Variants in PIGL observed in about 807,000 individuals in gnomAD.
PIGL encodes N-acetylglucosaminyl-phosphatidylinositol de-N-acetylase.
A neutral mutation model predicts 31.1 loss-of-function variants in PIGL; 22 were observed. That is an observed-to-expected ratio of 0.71 (90% CI 0.51 to 1.01). PIGL has a LOEUF of 1.01. PIGL is among the 50% of genes least tolerant of loss of function. The probability of loss-of-function intolerance (pLI) is 0.00; values close to 1 mark genes in which losing one functional copy is unlikely to be tolerated. For synonymous variants in PIGL, 131 were observed against 117.4 expected (o/e 1.12, Z -0.75); for missense variants, 302 against 315.9 (o/e 0.96, Z 0.33).
intron 3 of PIGL, among the ~76,000 whole-genome samples, chr17:16,303,310 G>A (rs778949387): frequency 2.0e-5 from 3 of 152,206 alleles, no homozygotes; most frequent in Non-Finnish European, 2.9e-5. Context: ...CCAAGGCTGT[G>A]CCTGGTATCT....
intron 2 of PIGL, among the ~76,000 whole-genome samples, chr17:16,248,988 G>C (rs1167620810): frequency 6.6e-6 from 1 of 152,136 alleles, no homozygotes; most frequent in Non-Finnish European, 1.5e-5. Context: ...GAGGGAGACA[G>C]ATCTCTTCCT....
intron 2 of PIGL, among the ~76,000 whole-genome samples, chr17:16,251,729 A>G (rs2092772813): frequency 6.6e-6 from 1 of 151,678 alleles, no homozygotes; most frequent in Non-Finnish European, 1.5e-5. Context: ...CCTATTCAGT[A>G]CCTAGAATGA....
At chr17:16,256,177 T>C (rs2092792899) in intron 2 of PIGL, among the ~76,000 whole-genome samples, 1 of 152,204 alleles carries the variant, frequency 6.6e-6, no homozygotes, top group South Asian at 2.1e-4. Flanking sequence ...TGCAGCACTA[T>C]TTATAATAGC....
chr17:16,284,856 G>A (rs2092930792), intron 2 of PIGL, among the ~76,000 whole-genome samples: 1 of 152,154 alleles, frequency 6.6e-6, no homozygotes, highest in Non-Finnish European at 1.5e-5. Context: ...ATTAATTACA[G>A]CCGGCTCTGC....
At chr17:16,294,931 G>A (rs1458231368) in intron 2 of PIGL, among the ~76,000 whole-genome samples, 1 of 152,152 alleles carries the variant, frequency 6.6e-6, no homozygotes, top group African/African-American at 2.4e-5. Flanking sequence ...CCCTTCTGCT[G>A]TGGCCAGTCT....
chr17:16,303,360 T>C (rs1163242426), intron 3 of PIGL, among the ~76,000 whole-genome samples: 1 of 152,154 alleles, frequency 6.6e-6, no homozygotes, highest in East Asian at 1.9e-4. Context: ...TGGACAGTGC[T>C]CCTTACCAAA....
At chr17:16,298,374 G>C (rs1024050525) in intron 2 of PIGL, among the ~76,000 whole-genome samples, 2 of 152,094 alleles carry the variant, frequency 1.3e-5, no homozygotes, top group African/African-American at 4.8e-5. Context: ...CTGACCCAAA[G>C]AGAGATAGGT....
chr17:16,314,220 C>G (rs531934648), intron 4 of PIGL, among the ~76,000 whole-genome samples: 1 of 152,216 alleles, frequency 6.6e-6, no homozygotes, highest in South Asian at 2.1e-4. Context: ...GTTTCCTGTC[C>G]CCTAGCAAAG....
intron 2 of PIGL, among the ~76,000 whole-genome samples, chr17:16,264,799 A>G (rs2092835341): frequency 6.7e-6 from 1 of 150,108 alleles, no homozygotes; most frequent in African/African-American, 2.5e-5. Flanking sequence ...GGTGCCCACC[A>G]CCACGTCTGG....
intron 2 of PIGL, among the ~76,000 whole-genome samples, chr17:16,249,704 G>A (rs555529847): frequency 1.1e-4 from 17 of 152,166 alleles, no homozygotes; most frequent in Non-Finnish European, 2.1e-4. Context: ...GAGTTCTGAT[G>A]TCCAAAGACA....
At chr17:16,276,781 G>A (rs1051527308) in intron 2 of PIGL, among the ~76,000 whole-genome samples, 27 of 152,084 alleles carry the variant, frequency 1.8e-4, no homozygotes, top group Non-Finnish European at 3.4e-4. Flanking sequence ...GATAACATGC[G>A]TACCATAGTT....
At position 16,284,309 on chromosome 17, in the gene PIGL, G is replaced by A. The variant is rs538142781; in HGVS notation, c.336-15579G>A. Among the ~76,000 whole-genome samples the A allele has an allele frequency of 6.4e-4, 98 of 152,094 alleles. 1 individual carries two copies. The South Asian group carries it at 0.013, about 21-fold the overall frequency. On this transcript the variant is annotated intron_variant, in intron 2 of 6. Transcript: ENST00000225609. ...TGCTTTTATAAACAGGTTCAAGGCC[G>A]GGAAATCCATTCTCCTCCACCTCCC...
chr17:16,284,217 T>C (rs967249309), intron 2 of PIGL: 2 of 152,276 alleles, frequency 1.3e-5, no homozygotes, highest in African/African-American at 4.8e-5. Flanking sequence ...CCTCAGGTGA[T>C]CTACCCGCCT....
chr17:16,307,070 G>A (rs772947224), intron 3 of PIGL, among the ~76,000 whole-genome samples: 20 of 152,172 alleles, frequency 1.3e-4, no homozygotes, highest in Non-Finnish European at 2.6e-4. Context: ...GGAGCTGCTC[G>A]GTTTTAACAA....
chr17:16,281,296 A>G (rs969439741), intron 2 of PIGL, among the ~76,000 whole-genome samples: 1 of 152,206 alleles, frequency 6.6e-6, no homozygotes, highest in Non-Finnish European at 1.5e-5. Flanking sequence ...AAATTTTGAC[A>G]TGTTTTAGAT....
intron 2 of PIGL, among the ~76,000 whole-genome samples, chr17:16,254,075 C>T: frequency 6.6e-6 from 1 of 152,110 alleles, no homozygotes; most frequent in East Asian, 1.9e-4. Context: ...ATGTGCTAGT[C>T]CCTCCTCTAA....
chr17:16,321,635 T>C (rs1045800996), intron 6 of PIGL, among the ~76,000 whole-genome samples: 3 of 152,214 alleles, frequency 2.0e-5, no homozygotes, highest in Non-Finnish European at 2.9e-5. Context: ...ATTAATTATC[T>C]TGTTTCTTCA....
intron 2 of PIGL, among the ~76,000 whole-genome samples, chr17:16,244,953 C>CT (rs1184629071): frequency 6.6e-6 from 1 of 152,118 alleles, no homozygotes; most frequent in African/African-American, 2.4e-5. Context: ...GCTGGGATTA[C>CT]AGGTGTGAGC....
chr17:16,218,730 G>C lies in PIGL; in HGVS notation c.235+1269G>C, dbSNP rs1031322776. 2.0e-5 allele frequency among the ~76,000 whole-genome samples: 3 copies of C among 147,182 alleles called. No individual in the cohort carries two copies. In the Admixed American group the frequency reaches 2.1e-4, roughly 10 times the overall value. ...GTCTCGCTCTGTTGCCCAGGCTGGA[G>C]TGCCGTGGCGTGATCTCGGCTCACT... On this transcript the variant is annotated intron_variant, in intron 1 of 6. Transcript: ENST00000225609.
Sources: gnomAD v4.1 joint callset for allele counts (sites outside exome capture counted in the v4.1 genomes callset) on GRCh38, gnomAD v4.1.1 for gene constraint, MANE v1.5 for transcripts, NCBI Gene and HGNC (gene_info 2026-07-23, HGNC 2026-07-21) for gene names.